The following TTN variants were observed in gnomAD, a reference collection of about 807,000 sequenced individuals.
TTN encodes connectin.
A neutral mutation model predicts 3,223.0 loss-of-function variants in TTN; 1,525 were observed. That is an observed-to-expected ratio of 0.47 (90% confidence interval 0.45 to 0.49). The LOEUF (loss-of-function observed/expected upper bound fraction) is 0.49. Among genes scored for constraint, TTN ranks in the 20% least tolerant of loss-of-function variants. The pLI is 0.00. For synonymous variants in TTN, 14,094 were observed against 15,161.0 expected (o/e 0.93, Z 5.17); for missense variants, 40,786 against 43,424.0 (o/e 0.94, Z 5.40).
rs775984145 is a variant in TTN at position 178,739,712 on chromosome 2, C to T, written c.13521G>A (p.Met4507Ile). Reference protein sequence around the residue: ...QGAKTSLQEEMDSFSGSQKVE... With the variant: ...QGAKTSLQEEIDSFSGSQKVE... The stretch of plus-strand genomic sequence containing the variant: ...CCTTCTGTGAACCTGAAAAAGAATC[C>T]ATTTCTTCTTGCAAACTTGTTTTGG... The change falls in exon 48 of 363, where the codon ATG (methionine) becomes ATA (isoleucine). Residue 4507 changes from methionine (M) to isoleucine (I), a missense_variant. Transcript: ENST00000589042. 4 of 1,613,834 alleles carry T rather than the reference C, an allele frequency of 2.5e-6. No individual in the cohort carries two copies. In the South Asian group the frequency reaches 4.4e-5, roughly 18 times the overall value.
In TTN at chr2:178,533,660, T is replaced by C. The variant is rs768829243; in HGVS notation, c.102955A>G (p.Thr34319Ala). The change falls in exon 358 of 363, where the codon ACA becomes GCA. Residue 34319 changes from threonine to alanine, a missense_variant. Physicochemically the swap from Thr to Ala is moderately conservative, Grantham distance 58. Transcript: ENST00000589042. ...TCATCTGTAGTGACACTGTTGATTG[T>C]TAATTGGTAAAGACCCTTGTCTGAC... ...FESDKGLYQL[T>A]INSVTTDDDA... 8.7e-6 allele frequency: 14 copies of C among 1,613,848 alleles called. No individual in the cohort carries two copies. The highest frequency in any genetic ancestry group is 3.3e-5 in the Admixed American group (2 of 59,994).
rs1243764269 is a variant in TTN, at chr2:178,722,875, A to C, written c.22024T>G (p.Leu7342Val). ...GGTGTCCCAGCAACTTGGCATTGTA[A>C]AGAAACCGAATCTCCAACTGCTGCC... The part of the protein sequence containing the change: ...LEAAVGDSVS[L>V]QCQVAGTPEI... The change falls in exon 76 of 363, where the codon TTA (leucine) becomes GTA (valine). Residue 7342 changes from leucine (L) to valine (V), a missense_variant. Leu to Val is a conservative substitution (Grantham distance 32, BLOSUM62 1). Coordinates refer to ENST00000589042, the MANE Select transcript of TTN (RefSeq NM_001267550.2). 3 of 1,613,066 alleles carry C rather than the reference A, an allele frequency of 1.9e-6. No individual in the cohort carries two copies. In the Admixed American group the frequency reaches 5.0e-5, roughly 27 times the overall value.
At chr2:178,716,805 T>C (rs996719689) in intron 88 of TTN, among the ~76,000 whole-genome samples, 1 of 152,194 alleles carries the variant, frequency 6.6e-6, no homozygotes, top group African/African-American at 2.4e-5. Context: ...ATACCGTCTT[T>C]CAAACTAGGA....
rs1390008829 is a variant in TTN at position 178,768,830 on chromosome 2, T to C, written c.9006A>G (p.Leu3002=). ...TTGATTTGATTTCCACACCATTCTT[T>C]AACCATTTGTAAGAGATGCCTTCAT... The part of the protein sequence containing the change: ...VNYEGISYKW[L]KNGVEIKSTD... The change falls in exon 38 of 363, where the codon TTA becomes TTG. Residue 3002 remains leucine (L), a synonymous_variant. Transcript: ENST00000589042. 1.2e-6 allele frequency: 2 copies of C among 1,613,992 alleles called. No homozygotes were observed. Among genetic ancestry groups the C allele is most frequent in the African/African-American group, 2.7e-5 (2 of 74,916 alleles).
chr2:178,738,222 T>C lies in TTN; in HGVS notation c.14231A>G (p.Asp4744Gly). The change falls in exon 49 of 363, where the codon GAC (aspartate) becomes GGC (glycine). Residue 4744 changes from aspartate (D) to glycine (G), a missense_variant. Asp to Gly is a moderately conservative substitution (Grantham distance 94). Transcript: ENST00000589042. Reference sequence around the variant, plus strand: ...CTTTGAAGATCGAATAGAACACTTGTCACTCTCATAAATTTCTCGGCCAGC... The same window carrying C: ...CTTTGAAGATCGAATAGAACACTTGCCACTCTCATAAATTTCTCGGCCAGC... ...FKAGREIYES[D>G]KCSIRSSKYI... 4.3e-6 allele frequency: 7 copies of C among 1,613,674 alleles called. No individual in the cohort carries two copies. The South Asian group carries it at 7.7e-5, about 18-fold the overall frequency.
intron 118 of TTN, 107 bp from the exon 119 acceptor site, chr2:178,693,796 G>C: frequency 8.1e-7 from 1 of 1,227,718 alleles, no homozygotes; most frequent in Non-Finnish European, 1.1e-6. Context: ...AACATGAAAT[G>C]AAAAAGATGA....
rs2050161903 is a variant in TTN at position 178,591,399 on chromosome 2, G to T, written c.60326C>A (p.Thr20109Asn). Residue 20109 changes from threonine (T) to asparagine (N), a missense_variant, in exon 304 of 363, where the codon ACT becomes AAT. Transcript: ENST00000589042. Reference protein sequence around the residue: ...PAIIRGVPVPTAKWTTDGSEI... With the variant: ...PAIIRGVPVPNAKWTTDGSEI... ...ACTCCCATCGGTTGTCCACTTTGCA[G>T]TAGGAACAGGCACACCTCTTATAAT... 1.9e-6 allele frequency: 3 copies of T among 1,612,534 alleles called. No homozygotes were observed. Among genetic ancestry groups the T allele is most frequent in the Non-Finnish European group, 2.5e-6 (3 of 1,179,248 alleles).
chr2:178,572,065 A>T lies in TTN; in HGVS notation c.74067T>A (p.Val24689=). 1 of 1,613,258 alleles carries T rather than the reference A, an allele frequency of 6.2e-7. No individual in the cohort carries two copies. The highest frequency in any genetic ancestry group is 8.5e-7 in the Non-Finnish European group (1 of 1,179,564). Residue 24689 remains valine, a synonymous_variant, in exon 326 of 363, where the codon GTT becomes GTA. Coordinates refer to ENST00000589042, the MANE Select transcript of TTN (RefSeq NM_001267550.2). Reference sequence around the variant, plus strand: ...TGATGCCCTTTTCATTCTGAGCTGAAACACGGAAAGAGTATTCTTCACCCT... The same window carrying T: ...TGATGCCCTTTTCATTCTGAGCTGATACACGGAAAGAGTATTCTTCACCCT... ...LIQGEEYSFR[V]SAQNEKGISD... is the part of the protein sequence containing the mutation.
chr2:178,701,388 A>G (rs1057103153), intron 110 of TTN, 140 bp downstream of exon 110: 9 of 1,026,096 alleles, frequency 8.8e-6, no homozygotes, highest in Non-Finnish European at 1.1e-5. Context: ...TTTAATTTCT[A>G]ATTGCTCACT....
At position 178,675,205 on chromosome 2, in the gene TTN, A is replaced by G. The variant is rs2067790126; in HGVS notation, c.34538-92T>C. The G allele has an allele frequency of 4.0e-6, 3 of 747,628 alleles. No homozygotes were observed. In the East Asian group the frequency reaches 9.0e-5, roughly 22 times the overall value. The allele number at this position is 747,628 out of a possible 1,614,324, so 46.3% of individuals were successfully genotyped here. ...TCCAGTTTCCAACATAAGAGAGTAA[A>G]TATCACAAGGCACATACACAAGATG... is the stretch of plus-strand genomic sequence containing the variant. On this transcript the variant is annotated intron_variant, in intron 149 of 362. Transcript: ENST00000589042.
At chr2:178,806,874 T>C (rs2094340995) in intron 1 of TTN, among the ~76,000 whole-genome samples, 1 of 152,240 alleles carries the variant, frequency 6.6e-6, no homozygotes, top group East Asian at 1.9e-4. Context: ...TTGAGTAATA[T>C]AACCTTGAAC....
intron 47 of TTN, chr2:178,751,464 G>T: frequency 6.2e-7 from 1 of 1,613,134 alleles, no homozygotes; most frequent in Non-Finnish European, 8.5e-7. Flanking sequence ...TCCACATCTT[G>T]TTTTTTGTTA....
intron 215 of TTN, 82 bp downstream of exon 215, chr2:178,646,982 T>C: frequency 2.2e-6 from 1 of 463,308 alleles, no homozygotes; most frequent in Non-Finnish European, 3.4e-6. Flanking sequence ...CAAGAAGGAA[T>C]ATTGTCCTGT....
At chr2:178,673,016 C>A (rs184062059) in intron 152 of TTN, among the ~76,000 whole-genome samples, 2 of 151,508 alleles carry the variant, frequency 1.3e-5, no homozygotes, top group African/African-American at 4.8e-5. Context: ...AAGTGATTAC[C>A]ATTGTAGAGT....
Position 178,551,091 on chromosome 2 carries a change from C to T in TTN, c.91440G>A (p.Gln30480=). The change falls in exon 336 of 363, where the codon CAG becomes CAA. Residue 30480 remains glutamine, a synonymous_variant. Transcript: ENST00000589042. The stretch of plus-strand genomic sequence containing the variant: ...CAGGACTGAGTCCTGTAACTGTGTA[C>T]TGACATTCACTGACGTCAGTAAAGT... ...RCNFTDVSEC[Q]YTVTGLSPGD... is the part of the protein sequence containing the mutation. 1 of 1,613,366 alleles carries T rather than the reference C, an allele frequency of 6.2e-7. No homozygotes were observed. The highest frequency in any genetic ancestry group is 8.5e-7 in the Non-Finnish European group (1 of 1,179,622).
In TTN at chr2:178,634,388, GGTC is replaced by G; in HGVS notation, c.42390_42392del (p.Lys14130_Thr14131delinsAsn). On this transcript the variant is annotated inframe_deletion, in exon 230 of 363. Transcript: ENST00000589042. The surrounding 1 kb of genome is among the most constrained non-coding windows in gnomAD (Gnocchi z 4.6). ...TACCTGTGACAAACAACCGAGCTGA[GGTC>G]TTCTTGCCCTCCACCTCAGCAGTAT... The G allele has an allele frequency of 6.2e-7, 1 of 1,608,940 alleles. No homozygotes were observed. Among genetic ancestry groups the G allele is most frequent in the Non-Finnish European group, 8.5e-7 (1 of 1,178,632 alleles).
chr2:178,772,869 C>T (rs766419585), intron 33 of TTN: 9 of 548,404 alleles, frequency 1.6e-5, no homozygotes, highest in African/African-American at 1.5e-4. Flanking sequence ...AGGAAGAGAT[C>T]ATATACAAAT....
At position 178,634,303 on chromosome 2, in the gene TTN, A is replaced by G; in HGVS notation, c.42415+63T>C. The G allele has an allele frequency of 6.4e-7, 1 of 1,557,850 alleles. No individual in the cohort carries two copies. Among genetic ancestry groups the G allele is most frequent in the Non-Finnish European group, 8.6e-7 (1 of 1,161,872 alleles). ...CACAGCTTTTAGAACTTGGCGTCCT[A>G]TCTTTAAAGTCATATATTTGCATGC... On this transcript the variant is annotated intron_variant, in intron 230 of 362. Coordinates refer to ENST00000589042, the MANE Select transcript of TTN (RefSeq NM_001267550.2). This position sits in a 1 kb window ranked among gnomAD's most constrained non-coding sequence, Gnocchi z 4.6.
chr2:178,756,993 C>T (rs2087221744), intron 45 of TTN, among the ~76,000 whole-genome samples, 196 bp from the exon 46 acceptor site: 1 of 152,054 alleles, frequency 6.6e-6, no homozygotes, highest in African/African-American at 2.4e-5. Flanking sequence ...TGATTCAGTG[C>T]TGAGTGGTTG....
Sources: gnomAD v4.1 joint callset for allele counts (sites outside exome capture counted in the v4.1 genomes callset) on GRCh38, gnomAD v4.1.1 for gene constraint, Gnocchi (gnomAD v3.1) non-coding constraint, MANE v1.5 for transcripts, NCBI Gene and HGNC (gene_info 2026-07-23, HGNC 2026-07-21) for gene names.